Variants in STXBP2 observed in about 807,000 individuals in gnomAD.
STXBP2 encodes syntaxin binding protein 2, also known as syntaxin-binding protein 2.
In STXBP2, 47 loss-of-function variants were observed where a neutral mutation model predicts 72.2. The observed-to-expected ratio is 0.65, with a 90% CI of 0.51 to 0.83. The LOEUF is 0.83. Ranked by LOEUF, STXBP2 falls within the 40% of genes least tolerant of loss-of-function variation. STXBP2 has a pLI of 0.00. For synonymous variants in STXBP2, 367 were observed against 338.7 expected (o/e 1.08, Z -0.92); for missense variants, 702 against 807.6 (o/e 0.87, Z 1.58).
At chr19:7,636,770 C>G, upstream of STXBP2, 1 of 216,548 alleles carries the variant, frequency 4.6e-6, no homozygotes, top group Non-Finnish European at 9.1e-6. Context: ...CAGGCCCAGA[C>G]AGTGGCGGCC....
intron 15 of STXBP2, 89 bp from the exon 16 acceptor site, chr19:7,646,160 C>T (rs1303028190): frequency 9.0e-7 from 1 of 1,112,060 alleles, no homozygotes; most frequent in South Asian, 1.3e-5. Context: ...CTGCCATCCC[C>T]CACCCTACCA....
Position 7,643,177 on chromosome 19 carries a change from C to T in STXBP2, c.1039C>T (p.Leu347=). ...QKELNKYSTH[L]HLADDCMKHF... The stretch of plus-strand genomic sequence containing the variant: ...CTGCACCCTGCAGTATTCTACGCAC[C>T]TGCATCTAGCAGATGATTGTATGAA... The change falls in exon 13 of 19, where the codon CTG becomes TTG. Residue 347 remains leucine (L), a synonymous_variant. Coordinates refer to ENST00000221283, the MANE Select transcript of STXBP2 (RefSeq NM_006949.4). The T allele has an allele frequency of 6.2e-7, 1 of 1,614,148 alleles. No homozygotes were observed. Among genetic ancestry groups the T allele is most frequent in the South Asian group, 1.1e-5 (1 of 91,086 alleles).
chr19:7,642,389 T>C lies in STXBP2; in HGVS notation c.795-40T>C. 1.9e-6 allele frequency: 3 copies of C among 1,613,516 alleles called. No individual in the cohort carries two copies. The highest frequency in any genetic ancestry group is 2.5e-6 in the Non-Finnish European group (3 of 1,179,528). ...TGCCACTGACCTGGTTCCCCAGTCCTCAGCTCCCCTGACCCCCAGGCTCCC... is the reference window on the plus strand; with the variant it reads ...TGCCACTGACCTGGTTCCCCAGTCCCCAGCTCCCCTGACCCCCAGGCTCCC... On this transcript the variant is annotated intron_variant, in intron 9 of 18. Coordinates refer to ENST00000221283, the MANE Select transcript of STXBP2 (RefSeq NM_006949.4). The surrounding 1 kb of genome is among the most constrained non-coding windows in gnomAD (Gnocchi z 6.0).
Position 7,647,417 on chromosome 19 carries a change from C to T in STXBP2, c.1602C>T (p.Leu534=). Residue 534 remains leucine, a synonymous_variant, in exon 18 of 19, where the codon CTC becomes CTT. Coordinates refer to ENST00000221283, the MANE Select transcript of STXBP2 (RefSeq NM_006949.4). ...AGIEARAGPR[L]IVYVMGGVAM... ...TAGAAGCCCGGGCGGGCCCCCGGCT[C>T]ATCGTGTATGTCATGGGCGGTGTGG... 1.2e-6 allele frequency: 2 copies of T among 1,613,618 alleles called. No individual in the cohort carries two copies. Among genetic ancestry groups the T allele is most frequent in the Non-Finnish European group, 1.7e-6 (2 of 1,179,958 alleles).
At chr19:7,639,556 C>T (rs776191599) in intron 3 of STXBP2, 175 bp from the exon 4 acceptor site, 4 of 672,472 alleles carry the variant, frequency 5.9e-6, no homozygotes, top group Non-Finnish European at 1.1e-5. Flanking sequence ...CTGCACAACC[C>T]CTGCAGAACC....
chr19:7,629,860 G>A, the STXBP2 span: 3 of 1,534,110 alleles, frequency 2.0e-6, no homozygotes, highest in African/African-American at 2.7e-5. Flanking sequence ...AGATATTTCG[G>A]GTCAGTGGAC....
At chr19:7,634,160 C>A (rs2031444158), upstream of STXBP2, among the ~76,000 whole-genome samples, 1 of 152,206 alleles carries the variant, frequency 6.6e-6, no homozygotes, top group South Asian at 2.1e-4. Context: ...ATCACCCTAG[C>A]CCCAGGTGGG....
At chr19:7,633,327 G>A, upstream of STXBP2, 1 of 1,345,200 alleles carries the variant, frequency 7.4e-7, no homozygotes, top group Non-Finnish European at 1.0e-6. Flanking sequence ...TCGTTAATTA[G>A]GTGCCCTACA....
At chr19:7,638,458 C>T (rs2031652706) in intron 1 of STXBP2, among the ~76,000 whole-genome samples, 1 of 152,078 alleles carries the variant, frequency 6.6e-6, no homozygotes, top group African/African-American at 2.4e-5. Flanking sequence ...AATAAATTAG[C>T]TGTGGGTGGT....
intron 4 of STXBP2, chr19:7,640,335 CGTGT>C: frequency 8.7e-6 from 4 of 457,548 alleles, no homozygotes; most frequent in Non-Finnish European, 1.6e-5. Flanking sequence ...CGTGTGTATG[CGTGT>C]GTGTATGCGT....
chr19:7,636,862 T>C (rs7359905), upstream of STXBP2: 169,144 of 367,426 alleles, frequency 0.46, 42,037 homozygotes, highest in East Asian at 0.74. Flanking sequence ...CCTGCGATCC[T>C]GCTTCGCACG....
rs751591616 is a variant in STXBP2 at position 7,646,249 on chromosome 19, G to A, written c.1357G>A (p.Gly453Ser). The change falls in exon 16 of 19, where the codon GGC (glycine) becomes AGC (serine). Residue 453 changes from glycine to serine, a missense_variant and splice_region_variant. Gly to Ser is a moderately conservative substitution (Grantham distance 56, BLOSUM62 0). Coordinates refer to ENST00000221283, the MANE Select transcript of STXBP2 (RefSeq NM_006949.4). Reference sequence around the variant, plus strand: ...GCTGCCCTCCCTGCCCTGCCTGTAGGGCTCGGGGACCTCCAGCCGGCTGGA... The same window carrying A: ...GCTGCCCTCCCTGCCCTGCCTGTAGAGCTCGGGGACCTCCAGCCGGCTGGA... ...QLGGTVTNPGGSGTSSRLEPR... is the reference protein window; with the variant it reads ...QLGGTVTNPGSSGTSSRLEPR... 6.2e-7 allele frequency: 1 copy of A among 1,601,900 alleles called. No homozygotes were observed. Among genetic ancestry groups the A allele is most frequent in the Non-Finnish European group, 8.5e-7 (1 of 1,175,288 alleles).
intron 1 of STXBP2, 64 bp downstream of exon 1, chr19:7,637,250 G>C (rs794076): frequency 8.1e-7 from 1 of 1,231,580 alleles, no homozygotes; most frequent in Non-Finnish European, 1.0e-6. Context: ...GGACGCACGG[G>C]CTCTGGGATC....
In STXBP2 at chr19:7,647,536, G is replaced by A. The variant is rs770560394; in HGVS notation, c.1696+25G>A. 16 of 1,577,350 alleles carry A rather than the reference G, an allele frequency of 1.0e-5. No individual in the cohort carries two copies. In the Admixed American group the frequency reaches 2.9e-4, roughly 29 times the overall value. On this transcript the variant is annotated intron_variant, in intron 18 of 18. Coordinates refer to ENST00000221283, the MANE Select transcript of STXBP2 (RefSeq NM_006949.4). ...GGTAAGTCACCAGGACTGGGACCCT[G>A]GGGTCTGGGGCTTGGGTTCCCGGGG...
upstream of STXBP2, chr19:7,633,681 AC>A: frequency 1.7e-6 from 1 of 582,584 alleles, no homozygotes; most frequent in African/African-American, 1.9e-5. Flanking sequence ...GGGCAGGGCG[AC>A]CTGAGCTTGG....
rs907710731 is a variant in STXBP2 at position 7,637,290 on chromosome 19, G to A, written c.37+104G>A. On this transcript the variant is annotated intron_variant, in intron 1 of 18. Coordinates refer to ENST00000221283, the MANE Select transcript of STXBP2 (RefSeq NM_006949.4). ...GTTTCATGGCGGCTGGGAGTTGGGG[G>A]CCGGGCTGGGCGTCCGAGCACCTGA... 4 of 1,121,914 alleles carry A rather than the reference G, an allele frequency of 3.6e-6. No individual in the cohort carries two copies. The African/African-American group carries it at 6.5e-5, about 18-fold the overall frequency. 69.5% of individuals were successfully genotyped at this position (1,121,914 alleles called of 1,614,324 possible).
intron 1 of STXBP2, among the ~76,000 whole-genome samples, chr19:7,637,755 C>G (rs1201124073): frequency 1.3e-5 from 2 of 152,200 alleles, no homozygotes; most frequent in Non-Finnish European, 2.9e-5. Flanking sequence ...TTCCTCCACC[C>G]CGGGGAGTTC....
At chr19:7,633,092 G>C, upstream of STXBP2, 13 of 1,154,336 alleles carry the variant, frequency 1.1e-5, no homozygotes, top group Non-Finnish European at 1.3e-5. Context: ...GCTCCGATGC[G>C]TGTCCCGCCG....
At chr19:7,632,482 C>A (rs2031358415), upstream of STXBP2, 1 of 1,613,844 alleles carries the variant, frequency 6.2e-7, no homozygotes, top group Non-Finnish European at 8.5e-7. This position sits in a 1 kb window ranked among gnomAD's most constrained non-coding sequence, Gnocchi z 5.2. Context: ...GCCAGCATGT[C>A]CATGAGGCTG....
Sources: gnomAD v4.1 joint callset for allele counts (sites outside exome capture counted in the v4.1 genomes callset) on GRCh38, gnomAD v4.1.1 for gene constraint, Gnocchi (gnomAD v3.1) non-coding constraint, MANE v1.5 for transcripts, NCBI Gene and HGNC (gene_info 2026-07-23, HGNC 2026-07-21) for gene names.